Variants in ASCC3 observed in about 807,000 individuals in gnomAD.
ASCC3 encodes the protein ASC-1 complex subunit P200.
ASCC3 carries 158 observed loss-of-function variants against 256.3 expected under a neutral mutation model. The ratio of observed to expected loss-of-function variants is 0.62; its 90% CI spans 0.54 to 0.70. The LOEUF is 0.70. Ranked by LOEUF, ASCC3 falls within the 30% of genes least tolerant of loss-of-function variation. ASCC3 has a pLI of 0.00. For missense variants in ASCC3, 2,259 were observed against 2,626.0 expected (o/e 0.86, Z 3.05); for synonymous variants, 948 against 883.4 (o/e 1.07, Z -1.30).
chr6:100,748,091 T>G (rs553101558), intron 10 of ASCC3, among the ~76,000 whole-genome samples: 43 of 152,214 alleles, frequency 2.8e-4, no homozygotes, highest in African/African-American at 8.7e-4. Flanking sequence ...ATCAATTCTA[T>G]AGATTACTGT....
chr6:100,805,274 C>T (rs1770116481), intron 5 of ASCC3, among the ~76,000 whole-genome samples: 1 of 152,002 alleles, frequency 6.6e-6, no homozygotes, highest in African/African-American at 2.4e-5. Context: ...AACCAAATAC[C>T]TCGTGTTCTC....
At chr6:100,608,759 A>ATATATT (rs1554201132) in intron 30 of ASCC3, among the ~76,000 whole-genome samples, 1 of 50,654 alleles carries the variant, frequency 2.0e-5, no homozygotes, top group Non-Finnish European at 3.5e-5. Context: ...ATATATATAT[A>ATATATT]TATATATATA....
intron 25 of ASCC3, among the ~76,000 whole-genome samples, chr6:100,635,076 G>C (rs564684987): frequency 6.6e-6 from 1 of 151,954 alleles, no homozygotes; most frequent in African/African-American, 2.4e-5. Flanking sequence ...AATGAGATCA[G>C]TATCTTAAAG....
intron 4 of ASCC3, among the ~76,000 whole-genome samples, chr6:100,812,702 G>A (rs1770533547): frequency 6.6e-6 from 1 of 152,180 alleles, no homozygotes; most frequent in Admixed American, 6.5e-5. Flanking sequence ...AGCTGAGGAG[G>A]GAGGATTGCT....
chr6:100,805,658 A>G, intron 5 of ASCC3, 102 bp downstream of exon 5: 4 of 1,376,526 alleles, frequency 2.9e-6, no homozygotes, highest in South Asian at 2.6e-5. Context: ...AGTAAATTAT[A>G]TAACAGACCA....
chr6:100,675,183 C>T (rs1776951023), intron 14 of ASCC3, among the ~76,000 whole-genome samples: 1 of 149,036 alleles, frequency 6.7e-6, no homozygotes, highest in Non-Finnish European at 1.5e-5. Flanking sequence ...TACTAATACA[C>T]TTTTGACATC....
intron 4 of ASCC3, among the ~76,000 whole-genome samples, chr6:100,817,545 A>G (rs531459128): frequency 6.6e-6 from 1 of 152,240 alleles, no homozygotes; most frequent in South Asian, 2.1e-4. Context: ...GACCACGAAC[A>G]AAAGAGAGAA....
In ASCC3 at chr6:100,521,817, G is replaced by A. The variant is rs549129375; in HGVS notation, c.5776-3675C>T. Among the ~76,000 whole-genome samples, 184 of 152,306 alleles carry A rather than the reference G, an allele frequency of 1.2e-3. 1 individual carries two copies. Among genetic ancestry groups the A allele is most frequent in the Admixed American group, 2.6e-3 (40 of 15,292 alleles). ...CAGGCAAATGGATTGGAGAGTCCTGGTAGCTTGCACTGATACACTTCATAT... is the reference window on the plus strand; with the variant it reads ...CAGGCAAATGGATTGGAGAGTCCTGATAGCTTGCACTGATACACTTCATAT... On this transcript the variant is annotated intron_variant, in intron 37 of 41. Coordinates refer to ENST00000369162, the MANE Select transcript of ASCC3 (RefSeq NM_006828.4).
chr6:100,616,652 C>G (rs544154033), intron 30 of ASCC3, among the ~76,000 whole-genome samples: 2 of 152,240 alleles, frequency 1.3e-5, no homozygotes, highest in East Asian at 3.9e-4. Flanking sequence ...GATTTTTTCC[C>G]CCACCTACCT....
chr6:100,673,592 A>G (rs973403395), intron 14 of ASCC3, among the ~76,000 whole-genome samples: 8 of 152,338 alleles, frequency 5.3e-5, no homozygotes, highest in African/African-American at 1.7e-4. Context: ...ATAAAATTTC[A>G]ATGCTATTTA....
chr6:100,666,292 C>T (rs1449733529), intron 14 of ASCC3, among the ~76,000 whole-genome samples: 4 of 152,040 alleles, frequency 2.6e-5, no homozygotes, highest in Admixed American at 6.6e-5. Flanking sequence ...CATTCATGTA[C>T]ACTTTTTTGT....
At chr6:100,776,281 C>G (rs1204658777) in intron 8 of ASCC3, among the ~76,000 whole-genome samples, 9 of 152,106 alleles carry the variant, frequency 5.9e-5, no homozygotes, top group Admixed American at 5.9e-4. Flanking sequence ...CTGAGAGTCT[C>G]ATGATCATTT....
intron 3 of ASCC3, chr6:100,858,469 C>T (rs1288548142): frequency 1.6e-6 from 1 of 616,170 alleles, no homozygotes; most frequent in Non-Finnish European, 2.0e-6. Context: ...TACAGCTTAT[C>T]AGATTAACAA....
At chr6:100,585,936 TG>T (rs1771639453) in intron 36 of ASCC3, among the ~76,000 whole-genome samples, 2 of 152,148 alleles carry the variant, frequency 1.3e-5, no homozygotes, top group South Asian at 4.1e-4. Flanking sequence ...ATCTTTCTTC[TG>T]GAAGTTTTGT....
intron 2 of ASCC3, among the ~76,000 whole-genome samples, chr6:100,866,927 T>C (rs997134762): frequency 3.9e-5 from 6 of 152,252 alleles, no homozygotes; most frequent in African/African-American, 1.2e-4. Flanking sequence ...TATAAGTACA[T>C]GTCTAGAATT....
At chr6:100,609,217 TTC>T (rs1185857004) in intron 30 of ASCC3, among the ~76,000 whole-genome samples, 3 of 151,946 alleles carry the variant, frequency 2.0e-5, no homozygotes, top group Non-Finnish European at 4.4e-5. Context: ...TTTCTTCAAC[TTC>T]TGTTATAGTT....
intron 36 of ASCC3, among the ~76,000 whole-genome samples, chr6:100,564,617 G>C (rs369896020): frequency 6.6e-6 from 1 of 152,096 alleles, no homozygotes; most frequent in Admixed American, 6.6e-5. Context: ...TCACTTCTTA[G>C]ACATAGGCCG....
rs372627157 is a variant in ASCC3, at chr6:100,607,011, A to G, written c.4863T>C (p.Ala1621=). The part of the protein sequence containing the change: ...TLAFGIGMHH[A]GLHERDRKTV... The stretch of plus-strand genomic sequence containing the variant: ...TTTTTCGGTCCCTCTCATGTAGTCC[A>G]GCATGATGCATTCCTATCCCGAAAG... The change falls in exon 31 of 42, where the codon GCT becomes GCC. Residue 1621 remains alanine, a synonymous_variant. Coordinates refer to ENST00000369162, the MANE Select transcript of ASCC3 (RefSeq NM_006828.4). The G allele has an allele frequency of 4.3e-6, 7 of 1,613,622 alleles. No individual in the cohort carries two copies. Among genetic ancestry groups the G allele is most frequent in the Non-Finnish European group, 5.1e-6 (6 of 1,179,788 alleles).
chr6:100,611,139 C>T (rs1773373155), intron 30 of ASCC3, among the ~76,000 whole-genome samples: 1 of 152,122 alleles, frequency 6.6e-6, no homozygotes, highest in African/African-American at 2.4e-5. Context: ...AACAGTTTCT[C>T]AATCTCCTAG....
Sources: gnomAD v4.1 joint callset for allele counts (sites outside exome capture counted in the v4.1 genomes callset) on GRCh38, gnomAD v4.1.1 for gene constraint, MANE v1.5 for transcripts, NCBI Gene and HGNC (gene_info 2026-07-23, HGNC 2026-07-21) for gene names.